RGS12: variants seen among roughly 807,000 people sequenced by gnomAD.
The protein encoded by RGS12 is regulator of G-protein signaling 12.
A neutral mutation model predicts 120.1 loss-of-function variants in RGS12; 66 were observed. The ratio of observed to expected loss-of-function variants is 0.55; its 90% CI spans 0.45 to 0.67. RGS12 has a LOEUF of 0.67. Among genes scored for constraint, RGS12 ranks in the 30% least tolerant of loss-of-function variants. The probability of loss-of-function intolerance (pLI) is 0.00; values close to 1 mark genes in which losing one functional copy is unlikely to be tolerated. For missense variants in RGS12, 1,859 were observed against 1,957.7 expected (o/e 0.95, Z 0.95); for synonymous variants, 827 against 804.7 (o/e 1.03, Z -0.47).
intron 3 of RGS12, among the ~76,000 whole-genome samples, chr4:3,384,150 C>T (rs957934533): frequency 3.9e-5 from 6 of 152,058 alleles, no homozygotes; most frequent in African/African-American, 1.4e-4. Context: ...TATAGATTGC[C>T]TGTGATATTA....
intron 3 of RGS12, among the ~76,000 whole-genome samples, chr4:3,375,260 A>T (rs1198754802): frequency 3.3e-5 from 5 of 150,078 alleles, no homozygotes; most frequent in African/African-American, 1.2e-4. Context: ...CCTCATCTCC[A>T]GCCCTCATCT....
At chr4:3,333,830 A>G (rs1261313169) in intron 2 of RGS12, among the ~76,000 whole-genome samples, 2 of 152,228 alleles carry the variant, frequency 1.3e-5, no homozygotes, top group African/African-American at 4.8e-5. Context: ...ATTCCCCGAA[A>G]TGCTATTGAT....
intron 3 of RGS12, among the ~76,000 whole-genome samples, chr4:3,353,942 C>T (rs1714629255): frequency 6.6e-6 from 1 of 152,150 alleles, no homozygotes; most frequent in Non-Finnish European, 1.5e-5. Context: ...AAGCAAGTGG[C>T]CAACAGCCCT....
chr4:3,383,293 T>C (rs985808584), intron 3 of RGS12, among the ~76,000 whole-genome samples: 1 of 152,082 alleles, frequency 6.6e-6, no homozygotes, highest in African/African-American at 2.4e-5. Flanking sequence ...TTTACTCTTT[T>C]TGGAGTAGCG....
intron 4 of RGS12, among the ~76,000 whole-genome samples, chr4:3,393,734 G>C (rs889499767): frequency 6.6e-6 from 1 of 152,180 alleles, no homozygotes; most frequent in Non-Finnish European, 1.5e-5. Context: ...AGGAGGGGAA[G>C]GCCTGTCCCA....
At chr4:3,334,521 A>G (rs1314063297) in intron 2 of RGS12, among the ~76,000 whole-genome samples, 8 of 152,176 alleles carry the variant, frequency 5.3e-5, no homozygotes, top group Non-Finnish European at 1.2e-4. Flanking sequence ...TATCAAGATT[A>G]CTGTAGTCTC....
chr4:3,384,685 G>A (rs985543824), intron 3 of RGS12, among the ~76,000 whole-genome samples: 1 of 152,258 alleles, frequency 6.6e-6, no homozygotes, highest in Non-Finnish European at 1.5e-5. Flanking sequence ...ATGGATGCAG[G>A]CTGCTGTGTG....
chr4:3,287,284 T>C, the RGS12 span, among the ~76,000 whole-genome samples: 1 of 152,206 alleles, frequency 6.6e-6, no homozygotes, highest in South Asian at 2.1e-4. Flanking sequence ...CTGATTTATT[T>C]CACGTTTATT....
intron 3 of RGS12, among the ~76,000 whole-genome samples, chr4:3,364,920 G>A (rs1331328987): frequency 1.3e-5 from 2 of 152,042 alleles, no homozygotes; most frequent in East Asian, 1.9e-4. Flanking sequence ...GCGAGAGGAG[G>A]CTGGGCAGGG....
At chr4:3,362,578 G>A (rs1256523290) in intron 3 of RGS12, among the ~76,000 whole-genome samples, 1 of 145,702 alleles carries the variant, frequency 6.9e-6, no homozygotes, top group Non-Finnish European at 1.5e-5. Context: ...GTTGGTGTGA[G>A]GGTGTGAGGG....
At position 3,317,907 on chromosome 4, in the gene RGS12, C is replaced by T. The variant is rs756639126; in HGVS notation, c.1737C>T (p.Ile579=). The T allele has an allele frequency of 1.2e-6, 2 of 1,614,110 alleles. No homozygotes were observed. The highest frequency in any genetic ancestry group is 1.7e-5 in the Admixed American group (1 of 60,024). ...CACTGCCCCCTCCTATGAGCAAGAT[C>T]CCCGCAGACCGCTACAGGGTGGAGG... ...CGTLPPPMSK[I]PADRYRVEGS... is the part of the protein sequence containing the mutation. Residue 579 remains isoleucine (I), a synonymous_variant, in exon 2 of 18, where the codon ATC becomes ATT. Coordinates refer to ENST00000336727, the MANE Select transcript of RGS12 (RefSeq NM_001394154.1).
chr4:3,298,454 G>A (rs534364963), intron 1 of RGS12, among the ~76,000 whole-genome samples: 3 of 152,226 alleles, frequency 2.0e-5, no homozygotes, highest in South Asian at 2.1e-4. Flanking sequence ...GGGCTCAAGC[G>A]ATCCCCCTGC....
chr4:3,431,509 G>A lies in RGS12; in HGVS notation c.4114+554G>A, dbSNP rs183942157. ...GTGGGTGCTCGGGAGTGGAGGTGACGTCAGCAGCGCTCTCTGACCGCGGGT... is the reference window on the plus strand; with the variant it reads ...GTGGGTGCTCGGGAGTGGAGGTGACATCAGCAGCGCTCTCTGACCGCGGGT... On this transcript the variant is annotated intron_variant, in intron 17 of 17. Transcript: ENST00000336727. 4.5e-4 allele frequency: 442 copies of A among 987,204 alleles called. 1 individual carries two copies. The highest frequency in any genetic ancestry group is 1.6e-3 in the Middle Eastern group (3 of 1,914). The allele number at this position is 987,204 out of a possible 1,614,324, so 61.2% of individuals were successfully genotyped here.
intron 3 of RGS12, among the ~76,000 whole-genome samples, chr4:3,357,000 A>C (rs1309002258): frequency 6.6e-6 from 1 of 152,174 alleles, no homozygotes; most frequent in African/African-American, 2.4e-5. Context: ...ACCACTGGAT[A>C]TTCCTAATGA....
chr4:3,303,025 C>T (rs1286244089), intron 1 of RGS12, among the ~76,000 whole-genome samples: 3 of 152,092 alleles, frequency 2.0e-5, no homozygotes, highest in African/African-American at 2.4e-5. Flanking sequence ...GCAGAAGCCA[C>T]GAGACAGTTC....
At chr4:3,344,066 G>A (rs1351770943) in intron 3 of RGS12, among the ~76,000 whole-genome samples, 1 of 152,140 alleles carries the variant, frequency 6.6e-6, no homozygotes, top group East Asian at 1.9e-4. Flanking sequence ...CGTGTGGGAC[G>A]GGCGAGAGTG....
At chr4:3,326,222 G>A (rs144106129) in intron 2 of RGS12, among the ~76,000 whole-genome samples, 3 of 152,238 alleles carry the variant, frequency 2.0e-5, no homozygotes, top group African/African-American at 7.2e-5. Flanking sequence ...GAGAAGAGGA[G>A]GTCAAATTAT....
intron 2 of RGS12, among the ~76,000 whole-genome samples, chr4:3,333,415 G>A (rs1392023790): frequency 2.0e-5 from 3 of 152,236 alleles, no homozygotes; most frequent in African/African-American, 7.2e-5. Context: ...CGGGATTACA[G>A]GCGTGAGCCA....
At chr4:3,334,358 A>T (rs1223367849) in intron 2 of RGS12, among the ~76,000 whole-genome samples, 4 of 152,226 alleles carry the variant, frequency 2.6e-5, no homozygotes, top group African/African-American at 9.6e-5. Context: ...CAAATAATAG[A>T]CCATACTTGC....
Sources: allele counts gnomAD v4.1 joint callset (sites outside exome capture counted in the v4.1 genomes callset), GRCh38; gene constraint gnomAD v4.1.1; transcripts MANE v1.5; gene names NCBI Gene and HGNC (gene_info 2026-07-23, HGNC 2026-07-21).